The following DNAH5 variants were observed in gnomAD, a reference collection of about 807,000 sequenced individuals.
DNAH5 encodes the protein dynein axonemal heavy chain 5.
A neutral mutation model predicts 518.2 loss-of-function variants in DNAH5; 372 were observed. That is an observed-to-expected ratio of 0.72 (90% CI 0.66 to 0.78). The LOEUF (loss-of-function observed/expected upper bound fraction) is 0.78, where lower values mean the gene tolerates loss of function less well. Among genes scored for constraint, DNAH5 ranks in the 30% least tolerant of loss-of-function variants. The pLI is 0.00. For synonymous variants in DNAH5, 2,039 were observed against 2,025.9 expected (o/e 1.01, Z -0.17); for missense variants, 5,523 against 5,687.0 (o/e 0.97, Z 0.93).
Position 13,721,145 on chromosome 5 carries a change from A to G in DNAH5, c.12134T>C (p.Leu4045Pro). The G allele has an allele frequency of 6.2e-7, 1 of 1,614,138 alleles. No homozygotes were observed. The highest frequency in any genetic ancestry group is 8.5e-7 in the Non-Finnish European group (1 of 1,180,002). ...TGAGCCCATAGACAGGAGACAGATG[A>G]GTGGCGTCCGTGGATCAGATTCCTC... is the stretch of plus-strand genomic sequence containing the variant. ...TWEESDPRTPLICLLSMGSDP... is the reference protein window; with the variant it reads ...TWEESDPRTPPICLLSMGSDP... The change falls in exon 71 of 79, where the codon CTC (leucine) becomes CCC (proline). Residue 4045 changes from leucine (L) to proline (P), a missense_variant. By Grantham distance (98) the Leu-to-Pro change is moderately conservative. This residue lies in a region of DNAH5 where 5,121 missense variants were observed against 5,223.3 expected (regional missense o/e 0.98). Transcript: ENST00000265104.
At position 13,749,492 on chromosome 5, in the gene DNAH5, T is replaced by C. The variant is rs574572407; in HGVS notation, c.11211+1586A>G. On this transcript the variant is annotated intron_variant, in intron 65 of 78. Coordinates refer to ENST00000265104, the MANE Select transcript of DNAH5 (RefSeq NM_001369.3). ...CATCTTAAACCTCTGCTACAGGAAT[T>C]AAGGCCCAGTGATGGGCTTATTTTT... Among the ~76,000 whole-genome samples the C allele has an allele frequency of 2.0e-5, 3 of 152,330 alleles. No individual in the cohort carries two copies. In the South Asian group the frequency reaches 6.2e-4, roughly 32 times the overall value.
chr5:13,976,181 C>T (rs1239186065), intron 1 of DNAH5, among the ~76,000 whole-genome samples: 1 of 152,100 alleles, frequency 6.6e-6, no homozygotes, highest in African/African-American at 2.4e-5. Flanking sequence ...GAAAATAATT[C>T]TTTGTGCAAG....
chr5:13,976,086 A>G lies in DNAH5; in HGVS notation c.12+35562T>C, dbSNP rs555779473. On this transcript the variant is annotated intron_variant, in intron 1 of 78. Transcript: ENST00000681290. ...TGAGGAGAGAGATACAGTGTGAGAC[A>G]TTGAAGTCCAAGTCCAAGATAATCA... Among the ~76,000 whole-genome samples, 4 of 152,368 alleles carry G rather than the reference A, an allele frequency of 2.6e-5. No homozygotes were observed. In the East Asian group the frequency reaches 7.7e-4, roughly 29 times the overall value.
At chr5:13,800,279 T>C (rs547145889) in intron 47 of DNAH5, among the ~76,000 whole-genome samples, 34 of 152,334 alleles carry the variant, frequency 2.2e-4, no homozygotes, top group African/African-American at 7.5e-4. Context: ...CTCCTTTGGA[T>C]AGCTATCCAT....
intron 1 of DNAH5, among the ~76,000 whole-genome samples, chr5:13,982,339 C>T (rs1217152305): frequency 7.0e-6 from 1 of 142,314 alleles, no homozygotes; most frequent in Non-Finnish European, 1.6e-5. Flanking sequence ...TGCATACACA[C>T]GTAGACATAC....
intron 73 of DNAH5, 88 bp from the exon 74 acceptor site, chr5:13,716,778 A>C (rs1744339006): frequency 2.3e-6 from 2 of 874,010 alleles, no homozygotes; most frequent in South Asian, 2.8e-5. Flanking sequence ...ATTCACTTTC[A>C]ACATCATTCA....
chr5:13,746,223 C>T (rs1193408893), intron 65 of DNAH5, among the ~76,000 whole-genome samples: 2 of 152,070 alleles, frequency 1.3e-5, no homozygotes, highest in Admixed American at 6.6e-5. Flanking sequence ...GAAGCTCTTA[C>T]TAGGACAATG....
At chr5:13,987,822 C>G (rs1783163152) in intron 1 of DNAH5, among the ~76,000 whole-genome samples, 1 of 151,434 alleles carries the variant, frequency 6.6e-6, no homozygotes, top group Non-Finnish European at 1.5e-5. Context: ...CCACTGCACT[C>G]CAGCCTGGGC....
chr5:13,871,541 T>C (rs1770102379), intron 23 of DNAH5, 23 bp downstream of exon 23: 3 of 1,583,786 alleles, frequency 1.9e-6, no homozygotes, highest in Middle Eastern at 1.7e-4. Flanking sequence ...TTTATATAAC[T>C]ATATGAAAGA....
chr5:13,925,519 C>G (rs1354564388), intron 3 of DNAH5, among the ~76,000 whole-genome samples: 1 of 152,082 alleles, frequency 6.6e-6, no homozygotes, highest in Non-Finnish European at 1.5e-5. Context: ...GCTGGGGAAG[C>G]CTCACAATCA....
chr5:13,721,921 T>C (rs1207655354), intron 70 of DNAH5, among the ~76,000 whole-genome samples: 1 of 152,228 alleles, frequency 6.6e-6, no homozygotes, highest in Non-Finnish European at 1.5e-5. Context: ...TTATAATTTA[T>C]TTTTCAACAA....
intron 52 of DNAH5, among the ~76,000 whole-genome samples, chr5:13,783,490 A>G (rs1210677046): frequency 6.6e-6 from 1 of 152,140 alleles, no homozygotes; most frequent in Non-Finnish European, 1.5e-5. Context: ...TGGGGAATAC[A>G]CATGGGGGAG....
intron 42 of DNAH5, among the ~76,000 whole-genome samples, chr5:13,816,011 C>T (rs866209832): frequency 1.3e-5 from 2 of 152,124 alleles, no homozygotes; most frequent in Non-Finnish European, 2.9e-5. Flanking sequence ...CTCAAGGAAG[C>T]AGAAGTGGAA....
intron 1 of DNAH5, among the ~76,000 whole-genome samples, chr5:13,966,944 C>A (rs552116779): frequency 1.2e-3 from 185 of 152,332 alleles, no homozygotes; most frequent in African/African-American, 4.1e-3. Context: ...TCACTGCAAC[C>A]TGCACCTCCT....
chr5:13,997,913 G>A lies in DNAH5; in HGVS notation c.12+13735C>T, dbSNP rs549040886. ...GGTTGGAGTGCCATGGCGTGATCTC[G>A]GCTCACTGCAACCTCCACCTCCCAG... On this transcript the variant is annotated intron_variant, in intron 1 of 78. Coordinates refer to the DNAH5 transcript ENST00000681290. Among the ~76,000 whole-genome samples, 189 of 149,770 alleles carry A rather than the reference G, an allele frequency of 1.3e-3. 2 individuals carry two copies. The highest frequency in any genetic ancestry group is 3.8e-3 in the African/African-American group (155 of 40,592).
intron 1 of DNAH5, among the ~76,000 whole-genome samples, chr5:13,976,087 T>C (rs1158430939): frequency 2.0e-5 from 3 of 152,176 alleles, no homozygotes; most frequent in African/African-American, 2.4e-5. Flanking sequence ...GTGTGAGACA[T>C]TGAAGTCCAA....
At chr5:13,747,666 T>C (rs904567221) in intron 65 of DNAH5, among the ~76,000 whole-genome samples, 49 of 152,250 alleles carry the variant, frequency 3.2e-4, no homozygotes, top group Non-Finnish European at 6.0e-4. Flanking sequence ...CATGTGTCTG[T>C]TGGCTGCATA....
At chr5:13,728,231 T>C (rs184198884) in intron 69 of DNAH5, among the ~76,000 whole-genome samples, 6 of 152,228 alleles carry the variant, frequency 3.9e-5, no homozygotes, top group African/African-American at 1.4e-4. Context: ...TAAAAGGACA[T>C]AGTACATTAT....
chr5:13,819,773 A>G (rs1761973394), intron 41 of DNAH5, among the ~76,000 whole-genome samples: 1 of 152,190 alleles, frequency 6.6e-6, no homozygotes, highest in African/African-American at 2.4e-5. Context: ...TGGAAATGAA[A>G]TGCATTTATT....
Sources: allele counts gnomAD v4.1 joint callset (sites outside exome capture counted in the v4.1 genomes callset), GRCh38; gene constraint gnomAD v4.1.1; regional missense constraint gnomAD v4.1.1; transcripts MANE v1.5; gene names NCBI Gene and HGNC (gene_info 2026-07-23, HGNC 2026-07-21).